The following AK9 variants were observed in gnomAD, a reference collection of about 807,000 sequenced individuals.
AK9 encodes adenylate kinase 9.
In AK9, 191 loss-of-function variants were observed where a neutral mutation model predicts 239.6. The ratio of observed to expected loss-of-function variants is 0.80; its 90% CI spans 0.71 to 0.90. The LOEUF is 0.90. Among genes scored for constraint, AK9 ranks in the 40% least tolerant of loss-of-function variants. The probability of loss-of-function intolerance (pLI) is 0.00; values close to 1 mark genes in which losing one functional copy is unlikely to be tolerated. For synonymous variants in AK9, 689 were observed against 721.0 expected (o/e 0.96, Z 0.71); for missense variants, 1,995 against 2,214.7 (o/e 0.90, Z 1.99).
chr6:109,591,816 T>C (rs1366500569), intron 17 of AK9, among the ~76,000 whole-genome samples: 1 of 151,496 alleles, frequency 6.6e-6, no homozygotes, highest in Non-Finnish European at 1.5e-5. Context: ...TTTAGCAGGA[T>C]ATAAAATTCT....
intron 17 of AK9, among the ~76,000 whole-genome samples, chr6:109,598,578 G>C (rs1364509339): frequency 1.3e-5 from 2 of 152,080 alleles, no homozygotes; most frequent in East Asian, 3.8e-4. Flanking sequence ...TAATCCTCTG[G>C]GTATACACCC....
intron 33 of AK9, among the ~76,000 whole-genome samples, chr6:109,507,870 G>T (rs1004284526): frequency 2.0e-5 from 3 of 152,172 alleles, no homozygotes; most frequent in African/African-American, 7.2e-5. Context: ...CAATCCCAGC[G>T]GCCATACTTC....
chr6:109,527,906 T>C (rs1780717568), intron 29 of AK9: 1 of 152,054 alleles, frequency 6.6e-6, no homozygotes, highest in African/African-American at 2.4e-5. Context: ...AACTGAAGAG[T>C]AGCAAAGGGA....
intron 27 of AK9, among the ~76,000 whole-genome samples, chr6:109,540,166 G>C (rs1782664845): frequency 6.6e-6 from 1 of 152,172 alleles, no homozygotes; most frequent in African/African-American, 2.4e-5. Flanking sequence ...AGAGGTTTCT[G>C]CTGCCTTTTG....
intron 8 of AK9, among the ~76,000 whole-genome samples, chr6:109,655,853 C>T (rs986853102): frequency 1.3e-5 from 2 of 152,086 alleles, no homozygotes; most frequent in East Asian, 1.9e-4. Flanking sequence ...TCAGAAGCTA[C>T]GTTTATAAGC....
Position 109,624,154 on chromosome 6 carries a change from T to C in AK9, c.1255-4918A>G, listed in dbSNP as rs1795230283. 2.0e-5 allele frequency among the ~76,000 whole-genome samples: 3 copies of C among 151,926 alleles called. No homozygotes were observed. The South Asian group carries it at 6.2e-4, about 31-fold the overall frequency. ...TTCTGCTTGAAAATACATCAGGTAA[T>C]CATCTCCCTGGAGCTATCTCTTCTG... On this transcript the variant is annotated intron_variant, in intron 12 of 40. Coordinates refer to ENST00000424296, the MANE Select transcript of AK9 (RefSeq NM_001145128.3).
chr6:109,587,270 A>C lies in AK9; in HGVS notation c.1843-1198T>G, dbSNP rs150565837. Among the ~76,000 whole-genome samples the C allele has an allele frequency of 1.7e-3, 254 of 152,354 alleles. 4 individuals carry two copies. Among genetic ancestry groups the C allele is most frequent in the Middle Eastern group, 6.8e-3 (2 of 294 alleles). The stretch of plus-strand genomic sequence containing the variant: ...TCAAATTTGAAATTGTATTTTTGAA[A>C]CAAATTTTCAAACAATTTTACAATG... On this transcript the variant is annotated intron_variant, in intron 17 of 40. Transcript: ENST00000424296.
chr6:109,664,583 C>A (rs1458706687), intron 5 of AK9, among the ~76,000 whole-genome samples: 1 of 151,986 alleles, frequency 6.6e-6, no homozygotes, highest in Non-Finnish European at 1.5e-5. Flanking sequence ...TGCTACCACG[C>A]CCGGCTAATT....
intron 6 of AK9, among the ~76,000 whole-genome samples, chr6:109,660,262 A>T (rs1233538359): frequency 1.3e-5 from 2 of 151,512 alleles, no homozygotes; most frequent in Admixed American, 1.3e-4. Flanking sequence ...TTTTCAGGAT[A>T]AAAAAAAATC....
intron 13 of AK9, among the ~76,000 whole-genome samples, chr6:109,615,924 A>T (rs1296530272): frequency 1.4e-5 from 1 of 72,520 alleles, no homozygotes; most frequent in Non-Finnish European, 2.6e-5. Flanking sequence ...TAAACAAACA[A>T]AAGTAAAAAA....
At chr6:109,519,836 T>G (rs1779653449) in intron 29 of AK9, among the ~76,000 whole-genome samples, 1 of 146,606 alleles carries the variant, frequency 6.8e-6, no homozygotes, top group African/African-American at 2.5e-5. Flanking sequence ...TGGTTTTGAT[T>G]TGCATTTCTC....
chr6:109,614,517 G>C (rs1247406949), intron 13 of AK9, 37 bp from the exon 14 acceptor site: 5 of 1,517,978 alleles, frequency 3.3e-6, no homozygotes, highest in Non-Finnish European at 4.5e-6. Context: ...GCAAAACGTA[G>C]TTGGGGATAG....
Position 109,506,881 on chromosome 6 carries a change from G to A in AK9, c.4482-81C>T, listed in dbSNP as rs557578270. On this transcript the variant is annotated intron_variant, in intron 33 of 40. Coordinates refer to ENST00000424296, the MANE Select transcript of AK9 (RefSeq NM_001145128.3). ...CCTTTCTGTCTTCCAGAACCAGTCT[G>A]TCTCTTTAGGAGTAGCTCATGATTT... 9.2e-5 allele frequency: 131 copies of A among 1,427,738 alleles called. 1 individual carries two copies. The South Asian group carries it at 2.0e-3, about 21-fold the overall frequency. The allele number at this position is 1,427,738 out of a possible 1,614,324, so 88.4% of individuals were successfully genotyped here. A position where few individuals can be genotyped will look rare whatever the true frequency, so the allele number is the denominator to read the frequency against.
At chr6:109,661,162 C>G (rs1800367262) in intron 6 of AK9, among the ~76,000 whole-genome samples, 1 of 152,134 alleles carries the variant, frequency 6.6e-6, no homozygotes, top group Non-Finnish European at 1.5e-5. Context: ...ACATTAAGCC[C>G]TCTGATGATA....
At chr6:109,653,117 C>A (rs1394457541) in intron 8 of AK9, among the ~76,000 whole-genome samples, 2 of 151,912 alleles carry the variant, frequency 1.3e-5, no homozygotes, top group Non-Finnish European at 2.9e-5. Flanking sequence ...AGTAGAGAGG[C>A]GGTTTCACCA....
At chr6:109,586,627 C>A (rs1461455590) in intron 17 of AK9, among the ~76,000 whole-genome samples, 1 of 152,028 alleles carries the variant, frequency 6.6e-6, no homozygotes, top group African/African-American at 2.4e-5. Flanking sequence ...AGTGACAACA[C>A]CCTTCACTTC....
At chr6:109,613,748 G>A (rs1793841530) in intron 15 of AK9, among the ~76,000 whole-genome samples, 1 of 151,244 alleles carries the variant, frequency 6.6e-6, no homozygotes, top group African/African-American at 2.4e-5. Flanking sequence ...ATTATATAAT[G>A]TAATGCTATA....
At chr6:109,503,348 C>A (rs1562321558) in intron 35 of AK9, among the ~76,000 whole-genome samples, 1 of 152,042 alleles carries the variant, frequency 6.6e-6, no homozygotes, top group Non-Finnish European at 1.5e-5. Context: ...AATCGTGTAA[C>A]TTCAAGTCTC....
At chr6:109,512,464 C>G (rs1434285873) in intron 32 of AK9, among the ~76,000 whole-genome samples, 1 of 152,176 alleles carries the variant, frequency 6.6e-6, no homozygotes, top group East Asian at 1.9e-4. Flanking sequence ...GCCTTGAATT[C>G]TTTCTTGCAC....
Sources: gnomAD v4.1 joint callset for allele counts (sites outside exome capture counted in the v4.1 genomes callset) on GRCh38, gnomAD v4.1.1 for gene constraint, MANE v1.5 for transcripts, NCBI Gene and HGNC (gene_info 2026-07-23, HGNC 2026-07-21) for gene names.